Variants in ARL15 observed in about 807,000 individuals in gnomAD.
The protein encoded by ARL15 is ADP-ribosylation factor-like protein 15.
A neutral mutation model predicts 25.2 loss-of-function variants in ARL15; 19 were observed. The observed-to-expected ratio is 0.75, with a 90% confidence interval of 0.53 to 1.10. ARL15 has a LOEUF of 1.10. Among genes scored for constraint, ARL15 ranks in the 50% least tolerant of loss-of-function variants. The pLI, the probability that ARL15 is intolerant of heterozygous loss-of-function variation, is 0.00. For synonymous variants in ARL15, 94 were observed against 86.8 expected (o/e 1.08, Z -0.46); for missense variants, 220 against 246.0 (o/e 0.89, Z 0.71).
At chr5:54,298,811 A>C (rs966653625) in intron 1 of ARL15, among the ~76,000 whole-genome samples, 3 of 151,788 alleles carry the variant, frequency 2.0e-5, no homozygotes, top group African/African-American at 7.3e-5. Flanking sequence ...CACCTGCTTG[A>C]CATCACACTC....
intron 4 of ARL15, among the ~76,000 whole-genome samples, chr5:53,982,551 T>C (rs914523470): frequency 1.3e-5 from 2 of 152,202 alleles, no homozygotes; most frequent in Admixed American, 6.5e-5. Context: ...TTCCATGGTG[T>C]CTATGTGCCA....
At chr5:54,023,874 G>T (rs1024139048) in intron 4 of ARL15, among the ~76,000 whole-genome samples, 1 of 152,160 alleles carries the variant, frequency 6.6e-6, no homozygotes, top group Non-Finnish European at 1.5e-5. Flanking sequence ...ACGAACCATC[G>T]TGTCTGCTCT....
intron 4 of ARL15, among the ~76,000 whole-genome samples, chr5:54,032,401 A>AT (rs1750021312): frequency 6.6e-6 from 1 of 151,876 alleles, no homozygotes; most frequent in African/African-American, 2.4e-5. Context: ...GCCTGGACTA[A>AT]TTTTTGTATT....
chr5:53,894,118 G>A (rs1417822909), intron 4 of ARL15, among the ~76,000 whole-genome samples: 1 of 152,166 alleles, frequency 6.6e-6, no homozygotes, highest in Non-Finnish European at 1.5e-5. Context: ...TTGGGGGTGC[G>A]TATTTATTTC....
At chr5:54,134,528 T>C (rs1753536208) in intron 3 of ARL15, among the ~76,000 whole-genome samples, 2 of 151,512 alleles carry the variant, frequency 1.3e-5, no homozygotes, top group Admixed American at 1.3e-4. Context: ...ACATGTCTAT[T>C]ATTCCCTATA....
At position 54,150,402 on chromosome 5, in the gene ARL15, G is replaced by C. The variant is rs1215807532; in HGVS notation, c.253+4178C>G. ...TTTGACTTGAAAGATCTCTAAATAA[G>C]AGAGTGTGAGAGAGAAAATGAATGA... On this transcript the variant is annotated intron_variant, in intron 3 of 4. Transcript: ENST00000504924. Among the ~76,000 whole-genome samples the C allele has an allele frequency of 2.0e-5, 3 of 152,168 alleles. No individual in the cohort carries two copies. In the South Asian group the frequency reaches 6.2e-4, roughly 32 times the overall value.
In ARL15 at chr5:54,095,051, T is replaced by C. The variant is rs547876786; in HGVS notation, c.462+18151A>G. On this transcript the variant is annotated intron_variant, in intron 4 of 4. Coordinates refer to ENST00000504924, the MANE Select transcript of ARL15 (RefSeq NM_019087.3). ...TTGAGAACTAAGATATATTTTCTAA[T>C]GCCTCTGTCCTTCAGTGGGCCTGCA... Among the ~76,000 whole-genome samples the C allele has an allele frequency of 3.9e-5, 6 of 152,334 alleles. No individual in the cohort carries two copies. The East Asian group carries it at 1.2e-3, about 29-fold the overall frequency.
At chr5:54,289,110 C>T (rs1398528844) in intron 1 of ARL15, among the ~76,000 whole-genome samples, 2 of 152,186 alleles carry the variant, frequency 1.3e-5, no homozygotes, top group East Asian at 1.9e-4. Flanking sequence ...TAGCATAGAT[C>T]GGCAATTCCT....
intron 1 of ARL15, among the ~76,000 whole-genome samples, chr5:54,286,700 T>C (rs1758188087): frequency 6.6e-6 from 1 of 152,202 alleles, no homozygotes; most frequent in Non-Finnish European, 1.5e-5. Context: ...GTTCTCGTTC[T>C]GAAAATTCTG....
intron 4 of ARL15, among the ~76,000 whole-genome samples, chr5:54,092,047 A>AACACACACACACACACAC (rs758037549): frequency 0.026 from 3,849 of 146,216 alleles, 99 homozygotes; most frequent in Admixed American, 0.073. Context: ...TCAAATTGAA[A>AACACACACACACACACAC]ACACACACAC....
At chr5:54,252,534 G>A (rs1757258411) in intron 1 of ARL15, among the ~76,000 whole-genome samples, 1 of 152,094 alleles carries the variant, frequency 6.6e-6, no homozygotes, top group African/African-American at 2.4e-5. Context: ...TCTCTCACCA[G>A]TTTAACCACC....
chr5:54,165,059 G>A (rs1353639245), intron 2 of ARL15, among the ~76,000 whole-genome samples: 2 of 151,762 alleles, frequency 1.3e-5, no homozygotes, highest in African/African-American at 4.8e-5. Flanking sequence ...AGGGTTTACA[G>A]TAAATCTTTA....
At chr5:53,995,153 A>T (rs955489614) in intron 4 of ARL15, among the ~76,000 whole-genome samples, 1 of 152,058 alleles carries the variant, frequency 6.6e-6, no homozygotes, top group African/African-American at 2.4e-5. Context: ...TACTAAAAAT[A>T]CAAAAATTAG....
intron 4 of ARL15, among the ~76,000 whole-genome samples, chr5:53,905,079 G>T (rs1745206487): frequency 6.6e-6 from 1 of 152,182 alleles, no homozygotes. Context: ...GACCAGGCCA[G>T]ATGAGTGGGC....
chr5:54,154,732 A>G, intron 2 of ARL15, 93 bp from the exon 3 acceptor site: 1 of 726,414 alleles, frequency 1.4e-6, no homozygotes, highest in Non-Finnish European at 2.2e-6. Context: ...TAGGCTGGTT[A>G]AGATTTATTT....
At chr5:53,995,390 A>G (rs1020549014) in intron 4 of ARL15, among the ~76,000 whole-genome samples, 1 of 146,142 alleles carries the variant, frequency 6.8e-6, no homozygotes, top group Non-Finnish European at 1.5e-5. Flanking sequence ...ATAATATTTT[A>G]TAAACATTTG....
chr5:54,051,742 C>T (rs1244548445), intron 4 of ARL15, among the ~76,000 whole-genome samples: 1 of 152,212 alleles, frequency 6.6e-6, no homozygotes, highest in African/African-American at 2.4e-5. Flanking sequence ...CATTGGAAGA[C>T]AGTTTGGCAG....
chr5:54,053,327 A>T (rs1331020468), intron 4 of ARL15, among the ~76,000 whole-genome samples: 1 of 152,228 alleles, frequency 6.6e-6, no homozygotes, highest in East Asian at 1.9e-4. Flanking sequence ...GAATAAATCA[A>T]CAAATAAATG....
intron 1 of ARL15, among the ~76,000 whole-genome samples, chr5:54,252,817 G>T (rs962686963): frequency 2.0e-5 from 3 of 152,054 alleles, no homozygotes; most frequent in Non-Finnish European, 4.4e-5. Flanking sequence ...CTCTGCCTCC[G>T]GGCTCAAGCA....
Sources: gnomAD v4.1 joint callset for allele counts (sites outside exome capture counted in the v4.1 genomes callset) on GRCh38, gnomAD v4.1.1 for gene constraint, MANE v1.5 for transcripts, NCBI Gene and HGNC (gene_info 2026-07-23, HGNC 2026-07-21) for gene names.